Variants in BCAT1 observed in about 807,000 individuals in gnomAD.
BCAT1 encodes branched chain amino acid transaminase 1.
A neutral mutation model predicts 52.4 loss-of-function variants in BCAT1; 48 were observed. The observed-to-expected ratio is 0.92, with a 90% CI of 0.73 to 1.16. The LOEUF (loss-of-function observed/expected upper bound fraction) is 1.16. Among genes scored for constraint, BCAT1 ranks in the 50% most tolerant of loss-of-function variants. The pLI is 0.00. For synonymous variants in BCAT1, 167 were observed against 161.3 expected (o/e 1.04, Z -0.27); for missense variants, 451 against 457.1 (o/e 0.99, Z 0.12).
At chr12:24,917,713 G>T (rs1470405060) in intron 1 of BCAT1, among the ~76,000 whole-genome samples, 2 of 152,090 alleles carry the variant, frequency 1.3e-5, no homozygotes, top group African/African-American at 2.4e-5. Flanking sequence ...GAGTAATGTG[G>T]AACTTTTTAA....
At position 24,910,920 on chromosome 12, in the gene BCAT1, A is replaced by G. The variant is rs554814743; in HGVS notation, c.7-9035T>C. ...GGAGTTTGAGACCAGCCTGGCCAAC[A>G]TGGTAAAACCCTGTCTTTACTAAAA... On this transcript the variant is annotated intron_variant, in intron 1 of 10. Transcript: ENST00000261192. Among the ~76,000 whole-genome samples, 4 of 152,290 alleles carry G rather than the reference A, an allele frequency of 2.6e-5. No homozygotes were observed. In the East Asian group the frequency reaches 7.7e-4, roughly 29 times the overall value.
intron 1 of BCAT1, among the ~76,000 whole-genome samples, chr12:24,935,033 C>A (rs957408953): frequency 6.6e-6 from 1 of 152,180 alleles, no homozygotes. Context: ...TGTATTAGCA[C>A]TTGTAAGCTA....
At chr12:24,893,675 GA>G (rs1033173894) in intron 3 of BCAT1, among the ~76,000 whole-genome samples, 2 of 152,184 alleles carry the variant, frequency 1.3e-5, no homozygotes, top group East Asian at 3.8e-4. Context: ...TTCTGGGAAA[GA>G]TGTCCAAATC....
intron 5 of BCAT1, among the ~76,000 whole-genome samples, chr12:24,862,376 C>T (rs1208784297): frequency 6.6e-6 from 1 of 152,208 alleles, no homozygotes. Context: ...CAACCACCTG[C>T]CTGACACTGC....
chr12:24,884,419 G>A (rs1279076431), intron 3 of BCAT1, among the ~76,000 whole-genome samples: 2 of 152,130 alleles, frequency 1.3e-5, no homozygotes, highest in African/African-American at 2.4e-5. Context: ...GAGACCTATC[G>A]CACAGCATGG....
chr12:24,946,593 C>A (rs940999392), intron 1 of BCAT1, among the ~76,000 whole-genome samples: 2 of 152,176 alleles, frequency 1.3e-5, no homozygotes, highest in African/African-American at 2.4e-5. Context: ...TAGTCAGGAA[C>A]AAAATGTCTT....
At chr12:24,821,129 G>C (rs183485123) in intron 10 of BCAT1, among the ~76,000 whole-genome samples, 1 of 152,180 alleles carries the variant, frequency 6.6e-6, no homozygotes, top group Non-Finnish European at 1.5e-5. Context: ...GGTAGGGAAG[G>C]GGGTGGAGCC....
At chr12:24,852,400 C>T (rs1941542128) in intron 5 of BCAT1, among the ~76,000 whole-genome samples, 1 of 147,400 alleles carries the variant, frequency 6.8e-6, no homozygotes, top group East Asian at 2.0e-4. Flanking sequence ...AATAGAATAG[C>T]TTATTTGTGG....
upstream of BCAT1, chr12:24,949,120 C>T: frequency 1.7e-6 from 1 of 593,794 alleles, no homozygotes; most frequent in South Asian, 2.1e-5. Flanking sequence ...CCTCTCGCGG[C>T]GGAGACTCGC....
chr12:24,839,835 T>TCAAC (rs1400470966), intron 7 of BCAT1, among the ~76,000 whole-genome samples: 7 of 152,254 alleles, frequency 4.6e-5, no homozygotes, highest in Non-Finnish European at 8.8e-5. Flanking sequence ...TCATTGTATT[T>TCAAC]TCTTAAAATC....
intron 5 of BCAT1, among the ~76,000 whole-genome samples, chr12:24,875,105 A>G: frequency 6.6e-6 from 1 of 152,218 alleles, no homozygotes; most frequent in East Asian, 1.9e-4. Flanking sequence ...ATGCAACATA[A>G]AAAGATAAGT....
chr12:24,874,710 A>G (rs1229014855), intron 5 of BCAT1, among the ~76,000 whole-genome samples: 1 of 152,234 alleles, frequency 6.6e-6, no homozygotes, highest in South Asian at 2.1e-4. Context: ...TGTTGAATGC[A>G]GAGTCTCTGA....
intron 5 of BCAT1, among the ~76,000 whole-genome samples, chr12:24,869,843 T>G (rs141473816): frequency 6.6e-6 from 1 of 152,322 alleles, no homozygotes; most frequent in African/African-American, 2.4e-5. Flanking sequence ...TCCTTAGATT[T>G]TCACTTTCAC....
intron 10 of BCAT1, among the ~76,000 whole-genome samples, chr12:24,820,863 A>G (rs1940092910): frequency 6.6e-6 from 1 of 152,148 alleles, no homozygotes; most frequent in African/African-American, 2.4e-5. Context: ...GGCAAAACAA[A>G]AGCACAACCT....
chr12:24,937,884 G>T (rs35593379), intron 1 of BCAT1, among the ~76,000 whole-genome samples: 24,254 of 152,222 alleles, frequency 0.16, 2,483 homozygotes, highest in Non-Finnish European at 0.23. Flanking sequence ...GACCAAAAAT[G>T]ACTCATAGGA....
intron 10 of BCAT1, among the ~76,000 whole-genome samples, chr12:24,826,044 T>C (rs1940382979): frequency 6.6e-6 from 1 of 152,108 alleles, no homozygotes; most frequent in African/African-American, 2.4e-5. Flanking sequence ...AGACTCCATC[T>C]CTACAAAAAA....
intron 3 of BCAT1, among the ~76,000 whole-genome samples, chr12:24,883,020 C>A (rs955138161): frequency 5.3e-5 from 8 of 152,118 alleles, no homozygotes; most frequent in Non-Finnish European, 8.8e-5. Flanking sequence ...GGTGTGATGG[C>A]TCACGTCTGT....
At chr12:24,832,274 A>G (rs918556687) in intron 9 of BCAT1, among the ~76,000 whole-genome samples, 1 of 152,238 alleles carries the variant, frequency 6.6e-6, no homozygotes, top group Admixed American at 6.5e-5. Context: ...GTCCAAGGAC[A>G]AAACTAACTT....
intron 1 of BCAT1, among the ~76,000 whole-genome samples, chr12:24,921,377 A>C (rs1214784120): frequency 1.3e-5 from 2 of 152,244 alleles, no homozygotes; most frequent in Non-Finnish European, 2.9e-5. Context: ...AGAGCAGCAT[A>C]CAGGAAAACC....
Sources: gnomAD v4.1 joint callset for allele counts (sites outside exome capture counted in the v4.1 genomes callset) on GRCh38, gnomAD v4.1.1 for gene constraint, MANE v1.5 for transcripts, NCBI Gene and HGNC (gene_info 2026-07-23, HGNC 2026-07-21) for gene names.